FAP: variants seen among roughly 807,000 people sequenced by gnomAD.
The protein encoded by FAP is prolyl endopeptidase FAP.
FAP carries 110 observed loss-of-function variants against 126.5 expected under a neutral mutation model. The ratio of observed to expected loss-of-function variants is 0.87; its 90% confidence interval spans 0.74 to 1.02. The LOEUF is 1.02. FAP is among the 50% of genes least tolerant of loss of function. The pLI, the probability that FAP is intolerant of heterozygous loss-of-function variation, is 0.00. For missense variants in FAP, 919 were observed against 909.2 expected (o/e 1.01, Z -0.14); for synonymous variants, 334 against 297.3 (o/e 1.12, Z -1.27).
chr2:162,198,224 C>T (rs910729819), intron 16 of FAP: 2 of 1,289,604 alleles, frequency 1.6e-6, no homozygotes, highest in African/African-American at 3.0e-5. Context: ...CTTCTATCCC[C>T]ATTGAAACTA....
intron 7 of FAP, 149 bp downstream of exon 7, chr2:162,219,704 A>T: frequency 1.5e-6 from 1 of 667,714 alleles, no homozygotes; most frequent in Admixed American, 2.9e-5. Context: ...ATGGGTTTCA[A>T]TTTATCAAAA....
chr2:162,210,078 T>A (rs1688863533), intron 11 of FAP, 82 bp from the exon 12 acceptor site: 2 of 1,196,252 alleles, frequency 1.7e-6, no homozygotes, highest in Non-Finnish European at 2.5e-6. Flanking sequence ...TGGAAACAGT[T>A]AAGCTGCCTG....
At chr2:162,185,515 C>G (rs1422893053) in intron 20 of FAP, among the ~76,000 whole-genome samples, 1 of 152,110 alleles carries the variant, frequency 6.6e-6, no homozygotes, top group Non-Finnish European at 1.5e-5. Context: ...AAAGCGGGTT[C>G]CAGTCTCCCT....
chr2:162,198,791 G>A lies in FAP; in HGVS notation c.1368C>T (p.Ser456=), dbSNP rs199889478. ...ERCQYYTASF[S]DYAKYYALVC... The stretch of plus-strand genomic sequence containing the variant: ...CAAGTGCATAGTACTTGGCGTAGTC[G>A]CTGAAACTTGCTGTGTAATATTGGC... The change falls in exon 16 of 26, where the codon AGC becomes AGT. Residue 456 remains serine, a synonymous_variant. Coordinates refer to ENST00000188790, the MANE Select transcript of FAP (RefSeq NM_004460.5). The A allele has an allele frequency of 6.3e-5, 102 of 1,613,914 alleles. No individual in the cohort carries two copies. Among genetic ancestry groups the A allele is most frequent in the South Asian group, 1.3e-4 (12 of 91,082 alleles).
At chr2:162,227,544 TA>T (rs1559792206) in intron 2 of FAP, among the ~76,000 whole-genome samples, 1 of 152,090 alleles carries the variant, frequency 6.6e-6, no homozygotes, top group African/African-American at 2.4e-5. Flanking sequence ...CTAAAACTTA[TA>T]GGAAGATCCT....
Position 162,189,804 on chromosome 2 carries a change from A to AT in FAP, c.1451-51dup, listed in dbSNP as rs745350021. On this transcript the variant is annotated intron_variant, in intron 17 of 25. Transcript: ENST00000188790. ...TTAATCAATAGTATTTCCATAAACA[A>AT]TTTTTTTCCTTAAAATTCCTTTGAC... 3.5e-5 allele frequency: 39 copies of AT among 1,108,398 alleles called. No individual in the cohort carries two copies. In the African/African-American group the frequency reaches 4.5e-4, roughly 13 times the overall value. The allele number at this position is 1,108,398 out of a possible 1,614,324, so 68.7% of individuals were successfully genotyped here.
intron 12 of FAP, among the ~76,000 whole-genome samples, chr2:162,209,333 T>C (rs542624034): frequency 6.6e-6 from 1 of 152,174 alleles, no homozygotes; most frequent in Non-Finnish European, 1.5e-5. Context: ...TCATATACGA[T>C]ATAAAATACA....
At position 162,225,545 on chromosome 2, in the gene FAP, T is replaced by G; in HGVS notation, c.223A>C (p.Asn75His). The change falls in exon 4 of 26, where the codon AAT becomes CAT. Residue 75 changes from asparagine to histidine, a missense_variant. Physicochemically the swap from Asn to His is moderately conservative, Grantham distance 68. Coordinates refer to ENST00000188790, the MANE Select transcript of FAP (RefSeq NM_004460.5). ...GTTTCAATATTATAAAGTACTATAT[T>G]GTTATCTGCAGATTGATGAAGATAT... ...QEYLHQSADN[N>H]IVLYNIETGQ... is the part of the protein sequence containing the mutation. The G allele has an allele frequency of 1.3e-6, 2 of 1,599,192 alleles. No individual in the cohort carries two copies. The highest frequency in any genetic ancestry group is 1.7e-6 in the Non-Finnish European group (2 of 1,172,156).
At chr2:162,187,808 C>A (rs370081956) in intron 20 of FAP, among the ~76,000 whole-genome samples, 12 of 152,004 alleles carry the variant, frequency 7.9e-5, no homozygotes, top group African/African-American at 2.9e-4. Flanking sequence ...GCAGAATCCA[C>A]AATGCTTGAG....
chr2:162,185,127 A>C (rs1227287877), intron 20 of FAP, among the ~76,000 whole-genome samples: 2 of 152,190 alleles, frequency 1.3e-5, no homozygotes, highest in Non-Finnish European at 2.9e-5. Flanking sequence ...AGAGGGTTGT[A>C]AATACTGTTG....
In FAP at chr2:162,188,269, C is replaced by T. The variant is rs1337923591; in HGVS notation, c.1714G>A (p.Val572Met). Reference sequence around the variant, plus strand: ...TGGAAAGCTGTTCCTCGACCATCCACCAAGGCAATGACCATCCCTTCCTTA... The same window carrying T: ...TGGAAAGCTGTTCCTCGACCATCCATCAAGGCAATGACCATCCCTTCCTTA... ...ASKEGMVIAL[V>M]DGRGTAFQGD... Residue 572 changes from valine (V) to methionine (M), a missense_variant, in exon 20 of 26, where the codon GTG becomes ATG. Transcript: ENST00000188790. 3.7e-6 allele frequency: 6 copies of T among 1,613,222 alleles called. No individual in the cohort carries two copies. Among genetic ancestry groups the T allele is most frequent in the African/African-American group, 2.7e-5 (2 of 74,812 alleles).
rs79854652 is a variant in FAP at position 162,238,769 on chromosome 2, C to T, written c.91+4139G>A. ...CTCCTTTGAAGATGATTTTATCTCA[C>T]GTATATCTTATTTTACCAAAGGTGA... On this transcript the variant is annotated intron_variant, in intron 2 of 25. Transcript: ENST00000188790. Among the ~76,000 whole-genome samples, 825 of 152,172 alleles carry T rather than the reference C, an allele frequency of 5.4e-3. 7 individuals carry two copies. The highest frequency in any genetic ancestry group is 0.011 in the South Asian group (52 of 4,822).
At chr2:162,185,194 T>C (rs931529678) in intron 20 of FAP, among the ~76,000 whole-genome samples, 1 of 152,190 alleles carries the variant, frequency 6.6e-6, no homozygotes, top group Non-Finnish European at 1.5e-5. Context: ...GTTTTTCTAA[T>C]CTTGGAGTCT....
chr2:162,171,051 G>GGA lies in FAP; in HGVS notation c.2209_2210dup (p.Gly738ProfsTer12). 1 of 1,613,092 alleles carries GGA rather than the reference G, an allele frequency of 6.2e-7. No individual in the cohort carries two copies. Among genetic ancestry groups the GGA allele is most frequent in the Non-Finnish European group, 8.5e-7 (1 of 1,179,314 alleles). ...TGTATAAGTGGTTCGTGGACAGGCCGGATAAGCCGTGGTTCTGGTCAGAGT... is the reference window on the plus strand; with the variant it reads ...TGTATAAGTGGTTCGTGGACAGGCCGGAGATAAGCCGTGGTTCTGGTCAGAGT... On this transcript the variant is annotated frameshift_variant, in exon 26 of 26. Transcript: ENST00000188790. LOFTEE classifies it high-confidence loss of function.
intron 2 of FAP, among the ~76,000 whole-genome samples, chr2:162,235,003 C>T (rs905649776): frequency 1.3e-5 from 2 of 152,116 alleles, no homozygotes; most frequent in African/African-American, 2.4e-5. Context: ...CTGCGGAGGG[C>T]GAACCGGGTC....
chr2:162,183,424 A>G lies in FAP; in HGVS notation c.1859T>C (p.Ile620Thr), dbSNP rs1431650104. 1.2e-6 allele frequency: 2 copies of G among 1,608,846 alleles called. No individual in the cohort carries two copies. The highest frequency in any genetic ancestry group is 8.5e-7 in the Non-Finnish European group (1 of 1,176,842). ...TATAAAACAACTCACCCAGCCCCAT[A>G]TGGCTATTCTTTTTTCATCAATGAA... ...MGFIDEKRIAIWGWSYGGYVS... is the reference protein window; with the variant it reads ...MGFIDEKRIATWGWSYGGYVS... The change falls in exon 21 of 26, where the codon ATA becomes ACA. Residue 620 changes from isoleucine (I) to threonine (T), a missense_variant. Coordinates refer to ENST00000188790, the MANE Select transcript of FAP (RefSeq NM_004460.5).
intron 17 of FAP, among the ~76,000 whole-genome samples, chr2:162,191,916 T>C (rs1457918557): frequency 6.6e-6 from 1 of 152,116 alleles, no homozygotes; most frequent in African/African-American, 2.4e-5. Context: ...CCAACTTTCA[T>C]GCAATTCTAC....
intron 24 of FAP, 82 bp from the exon 25 acceptor site, chr2:162,172,966 C>T: frequency 8.3e-7 from 1 of 1,200,926 alleles, no homozygotes. Flanking sequence ...GAAATGAACA[C>T]CAACAATTAT....
intron 17 of FAP, among the ~76,000 whole-genome samples, chr2:162,190,148 C>T (rs1051790005): frequency 2.6e-4 from 39 of 151,936 alleles, no homozygotes; most frequent in African/African-American, 9.2e-4. Context: ...ATCTGGATTG[C>T]TGGGGCCTCA....
Sources: allele counts gnomAD v4.1 joint callset (sites outside exome capture counted in the v4.1 genomes callset), GRCh38; gene constraint gnomAD v4.1.1; transcripts MANE v1.5; gene names NCBI Gene and HGNC (gene_info 2026-07-23, HGNC 2026-07-21).